The following SETD1B variants were observed in gnomAD, a reference collection of about 807,000 sequenced individuals.
SETD1B encodes SET domain containing 1B, histone lysine methyltransferase, also known as histone-lysine N-methyltransferase SETD1B.
SETD1B carries 7 observed loss-of-function variants against 148.0 expected under a neutral mutation model. The ratio of observed to expected loss-of-function variants is 0.05; its 90% CI spans 0.03 to 0.09. The LOEUF (loss-of-function observed/expected upper bound fraction) is 0.09, where lower values mean the gene tolerates loss of function less well. SETD1B is among the 10% of genes least tolerant of loss of function. The pLI is 1.00. For missense variants in SETD1B, 2,155 were observed against 2,729.9 expected (o/e 0.79, Z 4.69); for synonymous variants, 1,361 against 1,186.5 (o/e 1.15, Z -3.02).
At position 121,809,737 on chromosome 12, in the gene SETD1B, C is replaced by T. The variant is rs1364938093; in HGVS notation, c.792C>T (p.Asp264=). Residue 264 remains aspartate (D), a synonymous_variant, in exon 6 of 17, where the codon GAC becomes GAT. Coordinates refer to ENST00000604567, the MANE Select transcript of SETD1B (RefSeq NM_001353345.2). ...QDTAYSSCRL[D]TPNSYGQGTP... is the part of the protein sequence containing the mutation. Reference sequence around the variant, plus strand: ...CAGCTTATTCCAGCTGCCGCCTGGACACACCCAACTCCTATGGACAGGGCA... The same window carrying T: ...CAGCTTATTCCAGCTGCCGCCTGGATACACCCAACTCCTATGGACAGGGCA... 6.4e-7 allele frequency: 1 copy of T among 1,551,614 alleles called. No homozygotes were observed. The highest frequency in any genetic ancestry group is 1.2e-5 in the South Asian group (1 of 84,062).
At chr12:121,818,617 G>A (rs548155178) in intron 10 of SETD1B, among the ~76,000 whole-genome samples, 6 of 151,906 alleles carry the variant, frequency 3.9e-5, no homozygotes, top group East Asian at 3.9e-4. Flanking sequence ...TTGGCTGGGC[G>A]CAGTGGCTCA....
Position 121,817,885 on chromosome 12 carries a change from C to A in SETD1B, c.3399C>A (p.Asp1133Glu). ...CCCTGTCAGAGGCGAGTGAGAAGGA[C>A]GAAGGGGACTCGGATGAAGGTGAGC... The part of the protein sequence containing the change: ...DTALSEASEK[D>E]EGDSDEEETV... The change falls in exon 10 of 17, where the codon GAC (aspartate) becomes GAA (glutamate). Residue 1133 changes from aspartate (D) to glutamate (E), a missense_variant. By Grantham distance (45) the Asp-to-Glu change is conservative (BLOSUM62 2). Coordinates refer to ENST00000604567, the MANE Select transcript of SETD1B (RefSeq NM_001353345.2). This position sits in a 1 kb window ranked among gnomAD's most constrained non-coding sequence, Gnocchi z 8.1. The A allele has an allele frequency of 6.5e-7, 1 of 1,549,668 alleles. No homozygotes were observed. The highest frequency in any genetic ancestry group is 8.7e-7 in the Non-Finnish European group (1 of 1,145,966).
chr12:121,824,297 C>G (rs948658482), intron 12 of SETD1B, among the ~76,000 whole-genome samples: 1 of 152,188 alleles, frequency 6.6e-6, no homozygotes, highest in Non-Finnish European at 1.5e-5. Flanking sequence ...GAGGCTAGAC[C>G]TCTCATTATC....
chr12:121,815,033 C>T (rs948856651), intron 7 of SETD1B, 103 bp downstream of exon 7: 10 of 1,097,414 alleles, frequency 9.1e-6, no homozygotes, highest in East Asian at 2.6e-5. Flanking sequence ...GAAACGCTGC[C>T]GTGGACCCCA....
Position 121,822,792 on chromosome 12 carries a change from G to A in SETD1B, c.4213G>A (p.Gly1405Ser), listed in dbSNP as rs536045799. ...GLSLSSPQVP[G>S]SPFSYPAPSP... is the part of the protein sequence containing the mutation. ...GTCCCTGAGCTCTCCGCAAGTGCCC[G>A]GCAGCCCCTTCTCCTACCCAGCCCC... The change falls in exon 12 of 17, where the codon GGC (glycine) becomes AGC (serine). Residue 1405 changes from glycine (G) to serine (S), a missense_variant. By Grantham distance (56) the Gly-to-Ser change is moderately conservative. This residue lies in a region of SETD1B where 862 missense variants were observed against 873.8 expected (regional missense o/e 0.99). Transcript: ENST00000604567. 20 of 1,511,634 alleles carry A rather than the reference G, an allele frequency of 1.3e-5. No homozygotes were observed. The highest frequency in any genetic ancestry group is 7.4e-5 in the East Asian group (3 of 40,500). 93.6% of individuals were successfully genotyped at this position (1,511,634 alleles called of 1,614,324 possible).
chr12:121,823,770 G>C, intron 12 of SETD1B, 21 bp downstream of exon 12: 5 of 1,526,426 alleles, frequency 3.3e-6, no homozygotes, highest in African/African-American at 1.4e-5. Context: ...GGCATGGGGG[G>C]CTCTGCACCT....
At chr12:121,813,984 G>C in intron 6 of SETD1B, 122 bp from the exon 7 acceptor site, 1 of 751,674 alleles carries the variant, frequency 1.3e-6, no homozygotes, top group Non-Finnish European at 2.1e-6. Context: ...TGGAGAGGCT[G>C]AATGGCTTGC....
the SETD1B span, among the ~76,000 whole-genome samples, chr12:121,790,188 C>T: frequency 3.3e-5 from 5 of 152,246 alleles, no homozygotes; most frequent in African/African-American, 4.8e-5. Flanking sequence ...CTGTGGGCAG[C>T]GTCCGGCCCC....
chr12:121,797,659 A>G, the SETD1B span: 4 of 454,824 alleles, frequency 8.8e-6, no homozygotes, highest in Non-Finnish European at 1.8e-5. Context: ...GGAGACGTAC[A>G]TCAATTACTT....
chr12:121,807,035 G>A (rs974727077), intron 4 of SETD1B, among the ~76,000 whole-genome samples: 2 of 152,252 alleles, frequency 1.3e-5, no homozygotes, highest in Admixed American at 6.5e-5. Context: ...GGGCAAAAGT[G>A]CAGCTTCCAG....
upstream of SETD1B, chr12:121,802,878 C>CT (rs1875460413): frequency 6.6e-6 from 1 of 152,266 alleles, no homozygotes; most frequent in Non-Finnish European, 1.5e-5. Flanking sequence ...GAAAAACCCA[C>CT]TTGGCCATTT....
At chr12:121,795,134 G>C in the SETD1B span, 1 of 152,244 alleles carries the variant, frequency 6.6e-6, no homozygotes, top group Non-Finnish European at 1.5e-5. Context: ...AGAATCCCAA[G>C]ACCACAGCAG....
At chr12:121,793,718 C>A in the SETD1B span, 23 of 1,262,526 alleles carry the variant, frequency 1.8e-5, no homozygotes, top group Non-Finnish European at 2.2e-5. Context: ...CGGAACCAGC[C>A]CCGCCCACTC....
At position 121,825,365 on chromosome 12, in the gene SETD1B, A is replaced by G; in HGVS notation, c.5336A>G (p.Gln1779Arg). The G allele has an allele frequency of 1.3e-6, 2 of 1,548,560 alleles. No homozygotes were observed. The highest frequency in any genetic ancestry group is 1.7e-6 in the Non-Finnish European group (2 of 1,146,932). Residue 1779 changes from glutamine (Q) to arginine (R), a missense_variant and splice_region_variant, in exon 13 of 17, where the codon CAG becomes CGG. Around this residue, in one of 11 missense-constraint regions of SETD1B, gnomAD observed 96 missense variants for 148.7 expected, o/e 0.65. Coordinates refer to ENST00000604567, the MANE Select transcript of SETD1B (RefSeq NM_001353345.2). ...ACCGATGAGCCCCCCGCAGACACCCAGGTACTGCCAGGGCTCCTGGACACA... is the reference window on the plus strand; with the variant it reads ...ACCGATGAGCCCCCCGCAGACACCCGGGTACTGCCAGGGCTCCTGGACACA... ...ASTDEPPADTQGMSIPAQPHA... is the reference protein window; with the variant it reads ...ASTDEPPADTRGMSIPAQPHA...
At chr12:121,826,748 C>T (rs939989179) in intron 13 of SETD1B, among the ~76,000 whole-genome samples, 6 of 151,886 alleles carry the variant, frequency 4.0e-5, no homozygotes, top group Admixed American at 2.6e-4. Flanking sequence ...CCGCGAGGAG[C>T]CATTAGCTGT....
chr12:121,807,936 C>T (rs1389396496), intron 4 of SETD1B, among the ~76,000 whole-genome samples: 1 of 152,016 alleles, frequency 6.6e-6, no homozygotes, highest in Non-Finnish European at 1.5e-5. Flanking sequence ...CGGGTGGCAC[C>T]TCTGGGTTTG....
Position 121,805,705 on chromosome 12 carries a change from T to C in SETD1B, c.274-130T>C. The C allele has an allele frequency of 1.4e-6, 1 of 738,950 alleles. No individual in the cohort carries two copies. The highest frequency in any genetic ancestry group is 1.8e-6 in the Non-Finnish European group (1 of 544,852). The allele number at this position is 738,950 out of a possible 1,614,324, so 45.8% of individuals were successfully genotyped here. On this transcript the variant is annotated intron_variant, in intron 3 of 16. Transcript: ENST00000604567. This position sits in a 1 kb window ranked among gnomAD's most constrained non-coding sequence, Gnocchi z 4.2. ...CCAAAAAAAATTTTTTTTTTTTTTT[T>C]AATTTTTAGTTTTTTTACCCTTTAT...
At position 121,817,028 on chromosome 12, in the gene SETD1B, C is replaced by T. The variant is rs1346083625; in HGVS notation, c.2716-5C>T. 5.3e-6 allele frequency: 8 copies of T among 1,510,346 alleles called. No homozygotes were observed. The African/African-American group carries it at 1.1e-4, about 21-fold the overall frequency. 93.6% of individuals were successfully genotyped at this position (1,510,346 alleles called of 1,614,324 possible). On this transcript the variant is annotated splice_region_variant and splice_polypyrimidine_tract_variant and intron_variant, in intron 7 of 16. Transcript: ENST00000604567. This position sits in a 1 kb window ranked among gnomAD's most constrained non-coding sequence, Gnocchi z 8.1. The stretch of plus-strand genomic sequence containing the variant: ...GGTGACGGTCCCCTCCTGTCTCCAC[C>T]CCAGGCCTCGCTGACCCCGGTGAAG...
At chr12:121,793,003 C>T in the SETD1B span, 4 of 672,206 alleles carry the variant, frequency 6.0e-6, no homozygotes, top group Non-Finnish European at 7.5e-6. Flanking sequence ...GGCCCCGCAG[C>T]CAGCGCCCCT....
Sources: allele counts gnomAD v4.1 joint callset (sites outside exome capture counted in the v4.1 genomes callset), GRCh38; gene constraint gnomAD v4.1.1; regional missense constraint gnomAD v4.1.1; non-coding constraint Gnocchi (gnomAD v3.1); transcripts MANE v1.5; gene names NCBI Gene and HGNC (gene_info 2026-07-23, HGNC 2026-07-21).